Variants in TACR1 observed in about 807,000 individuals in gnomAD.
TACR1 encodes the protein tachykinin receptor 1.
A neutral mutation model predicts 35.8 loss-of-function variants in TACR1; 25 were observed. The ratio of observed to expected loss-of-function variants is 0.70; its 90% CI spans 0.51 to 0.98. TACR1 has a LOEUF of 0.98. Ranked by LOEUF, TACR1 falls within the 50% of genes least tolerant of loss-of-function variation. TACR1 has a pLI of 0.00. For synonymous variants in TACR1, 195 were observed against 206.7 expected (o/e 0.94, Z 0.48); for missense variants, 478 against 522.9 (o/e 0.91, Z 0.84).
At chr2:75,079,878 G>C (rs1673050420) in intron 2 of TACR1, among the ~76,000 whole-genome samples, 1 of 151,950 alleles carries the variant, frequency 6.6e-6, no homozygotes, top group African/African-American at 2.4e-5. Context: ...GAGTTATCTG[G>C]GGAAGAAAGA....
chr2:75,100,151 G>C (rs1413433378), intron 2 of TACR1, among the ~76,000 whole-genome samples: 1 of 152,098 alleles, frequency 6.6e-6, no homozygotes, highest in Non-Finnish European at 1.5e-5. Flanking sequence ...GGATGATGTA[G>C]TAGCTAATGA....
At chr2:75,178,747 C>T (rs765697687) in intron 1 of TACR1, among the ~76,000 whole-genome samples, 1 of 152,142 alleles carries the variant, frequency 6.6e-6, no homozygotes, top group Non-Finnish European at 1.5e-5. Context: ...GTTTATGACA[C>T]GTAGGTACTT....
rs1447820377 is a variant in TACR1, at chr2:75,049,679, A to T, written c.977T>A (p.Ile326Asn). 3 of 1,613,988 alleles carry T rather than the reference A, an allele frequency of 1.9e-6. No homozygotes were observed. The highest frequency in any genetic ancestry group is 2.2e-5 in the South Asian group (2 of 91,080). ...CAGCCCCTCATAGTCGCCGGCGCTG[A>T]TGAAGGGGCAGCACCGGAAGGCATG... ...FKHAFRCCPF[I>N]SAGDYEGLEM... The change falls in exon 5 of 5, where the codon ATC (isoleucine) becomes AAC (asparagine). Residue 326 changes from isoleucine (I) to asparagine (N), a missense_variant. Transcript: ENST00000305249.
intron 1 of TACR1, chr2:75,156,165 G>C (rs1674847480): frequency 6.6e-6 from 1 of 152,088 alleles, no homozygotes; most frequent in Non-Finnish European, 1.5e-5. Flanking sequence ...TATTGTGGTG[G>C]GTCCTCGATA....
intron 2 of TACR1, among the ~76,000 whole-genome samples, chr2:75,059,501 A>G (rs1293753741): frequency 6.6e-6 from 1 of 152,198 alleles, no homozygotes. Flanking sequence ...CCTGCAGTGC[A>G]GCTTTGGGCA....
intron 2 of TACR1, among the ~76,000 whole-genome samples, chr2:75,099,691 C>CA (rs1673495203): frequency 6.6e-6 from 1 of 152,160 alleles, no homozygotes; most frequent in South Asian, 2.1e-4. Context: ...CTTGCATTCT[C>CA]AGACACCACA....
intron 1 of TACR1, among the ~76,000 whole-genome samples, chr2:75,183,256 T>G (rs1399568381): frequency 2.6e-5 from 4 of 152,240 alleles, no homozygotes; most frequent in Non-Finnish European, 5.9e-5. Flanking sequence ...GATTTATTTC[T>G]ATTTCTTCTT....
intron 1 of TACR1, among the ~76,000 whole-genome samples, chr2:75,122,234 C>A (rs1045627115): frequency 1.3e-5 from 2 of 152,158 alleles, no homozygotes; most frequent in Non-Finnish European, 2.9e-5. Context: ...AGGTGGTCTA[C>A]TGGAGGGGCT....
intron 2 of TACR1, among the ~76,000 whole-genome samples, chr2:75,059,606 T>C (rs1408122795): frequency 6.6e-6 from 1 of 152,232 alleles, no homozygotes; most frequent in African/African-American, 2.4e-5. Context: ...CTGCAACTGA[T>C]GCAGTTCCTC....
At chr2:75,120,129 G>C (rs1235166053) in intron 2 of TACR1, among the ~76,000 whole-genome samples, 2 of 152,130 alleles carry the variant, frequency 1.3e-5, no homozygotes, top group African/African-American at 4.8e-5. Flanking sequence ...ATAAAAGAAT[G>C]GCTACTCCAT....
chr2:75,198,438 A>C, intron 1 of TACR1, 108 bp downstream of exon 1: 1 of 1,310,822 alleles, frequency 7.6e-7, no homozygotes, highest in Non-Finnish European at 1.0e-6. Flanking sequence ...AAACCCTCAG[A>C]GTGGCCAATC....
intron 1 of TACR1, among the ~76,000 whole-genome samples, chr2:75,195,426 C>T (rs942692506): frequency 6.6e-6 from 1 of 151,422 alleles, no homozygotes; most frequent in Non-Finnish European, 1.5e-5. Flanking sequence ...TTTTTCCTTC[C>T]CTGACCCCAC....
intron 2 of TACR1, among the ~76,000 whole-genome samples, chr2:75,074,405 T>C (rs530515390): frequency 1.6e-4 from 24 of 152,276 alleles, no homozygotes; most frequent in Admixed American, 1.3e-4. Context: ...CTGGGTCTTG[T>C]AGGGAATGCA....
chr2:75,086,851 T>A (rs144222501), intron 2 of TACR1, among the ~76,000 whole-genome samples: 183 of 152,316 alleles, frequency 1.2e-3, no homozygotes, highest in African/African-American at 4.2e-3. Context: ...TAGGTCATAT[T>A]TCCTAGCAGT....
At chr2:75,132,467 AT>A (rs1328911460) in intron 1 of TACR1, among the ~76,000 whole-genome samples, 1 of 152,152 alleles carries the variant, frequency 6.6e-6, no homozygotes, top group Non-Finnish European at 1.5e-5. Context: ...ATTTTTAAAA[AT>A]GTCTAGTCAT....
chr2:75,145,456 T>C (rs1197456104), intron 1 of TACR1, among the ~76,000 whole-genome samples: 3 of 152,180 alleles, frequency 2.0e-5, no homozygotes, highest in South Asian at 2.1e-4. Flanking sequence ...TTATTGTAGA[T>C]GATAGCTTAT....
intron 1 of TACR1, chr2:75,188,052 C>G (rs1675749745): frequency 6.6e-6 from 1 of 152,172 alleles, no homozygotes; most frequent in African/African-American, 2.4e-5. Flanking sequence ...CTTTTATCTT[C>G]CTAGCTCATG....
intron 2 of TACR1, among the ~76,000 whole-genome samples, chr2:75,094,098 A>G (rs1028551395): frequency 6.6e-6 from 1 of 152,238 alleles, no homozygotes; most frequent in African/African-American, 2.4e-5. Context: ...ATAGCACCAC[A>G]TGCAAATAGC....
intron 2 of TACR1, among the ~76,000 whole-genome samples, chr2:75,087,470 A>G (rs928398135): frequency 2.0e-5 from 3 of 152,252 alleles, no homozygotes; most frequent in Non-Finnish European, 2.9e-5. Flanking sequence ...GCAAACAACA[A>G]TCATCATTCA....
Sources: allele counts gnomAD v4.1 joint callset (sites outside exome capture counted in the v4.1 genomes callset), GRCh38; gene constraint gnomAD v4.1.1; transcripts MANE v1.5; gene names NCBI Gene and HGNC (gene_info 2026-07-23, HGNC 2026-07-21).